The following CACNA2D1 variants were observed in gnomAD, a reference collection of about 807,000 sequenced individuals.
The protein encoded by CACNA2D1 is calcium voltage-gated channel auxiliary subunit alpha2delta 1.
In CACNA2D1, 53 loss-of-function variants were observed where a neutral mutation model predicts 171.5. The observed-to-expected ratio is 0.31, with a 90% confidence interval of 0.25 to 0.39. The LOEUF (loss-of-function observed/expected upper bound fraction) is 0.39. CACNA2D1 is among the 10% of genes least tolerant of loss of function. The probability of loss-of-function intolerance (pLI) is 1.00; values close to 1 mark genes in which losing one functional copy is unlikely to be tolerated. For synonymous variants in CACNA2D1, 442 were observed against 443.1 expected, an observed-to-expected ratio of 1.00 and a Z score of 0.03; for missense variants, 903 against 1,299.8, an observed-to-expected ratio of 0.69 and a Z score of 4.69.
chr7:82,381,375 T>C (rs1823700254), intron 1 of CACNA2D1, among the ~76,000 whole-genome samples: 1 of 149,992 alleles, frequency 6.7e-6, no homozygotes, highest in East Asian at 2.0e-4. Context: ...GATTCCATGA[T>C]CCTATAGAGA....
intron 1 of CACNA2D1, among the ~76,000 whole-genome samples, chr7:82,395,478 A>G (rs1563487641): frequency 6.6e-6 from 1 of 152,210 alleles, no homozygotes; most frequent in Non-Finnish European, 1.5e-5. Context: ...AACGTAATGT[A>G]GTTACATATT....
At chr7:82,227,623 G>A (rs1040399638) in intron 3 of CACNA2D1, among the ~76,000 whole-genome samples, 1 of 152,150 alleles carries the variant, frequency 6.6e-6, no homozygotes, top group East Asian at 1.9e-4. Context: ...CAGTACAGCC[G>A]AGTAGTTAAG....
rs3054677 is a variant in CACNA2D1 at position 82,288,422 on chromosome 7, TACACACACACACACACACAC to T, written c.294+46693_294+46712del. Among the ~76,000 whole-genome samples, 16 of 147,274 alleles carry T rather than the reference TACACACACACACACACACAC, an allele frequency of 1.1e-4. No homozygotes were observed. In the East Asian group the frequency reaches 2.5e-3, roughly 23 times the overall value. On this transcript the variant is annotated intron_variant, in intron 3 of 38. Coordinates refer to ENST00000356860, the MANE Select transcript of CACNA2D1 (RefSeq NM_000722.4). ...TAAAAGATGTATTATTTTGCTTCTA[TACACACACACACACACACAC>T]ACACACACACACACACATTTGAATG...
At chr7:82,193,361 C>T (rs926216024) in intron 3 of CACNA2D1, among the ~76,000 whole-genome samples, 16 of 151,808 alleles carry the variant, frequency 1.1e-4, no homozygotes, top group African/African-American at 3.6e-4. Flanking sequence ...AAAATAGTCC[C>T]GGGCAAACTG....
intron 3 of CACNA2D1, among the ~76,000 whole-genome samples, chr7:82,320,747 A>C (rs1815709332): frequency 6.6e-6 from 1 of 151,996 alleles, no homozygotes; most frequent in Admixed American, 6.6e-5. Context: ...TTTCACTTAC[A>C]TGACTTAAGT....
At chr7:82,343,479 T>C (rs17156171) in intron 2 of CACNA2D1, among the ~76,000 whole-genome samples, 19,031 of 152,200 alleles carry the variant, frequency 0.13, 1,875 homozygotes, top group African/African-American at 0.27. Flanking sequence ...AGGTTGTCCC[T>C]AGAACAGAAA....
chr7:82,303,198 T>C (rs962590593), intron 3 of CACNA2D1, among the ~76,000 whole-genome samples: 3 of 151,950 alleles, frequency 2.0e-5, no homozygotes, highest in South Asian at 2.1e-4. Flanking sequence ...GGGATTTCAC[T>C]ATGTTAGCCA....
intron 13 of CACNA2D1, 81 bp from the exon 14 acceptor site, chr7:82,013,591 T>C: frequency 2.1e-6 from 1 of 484,924 alleles, no homozygotes; most frequent in Non-Finnish European, 3.1e-6. Flanking sequence ...TTATAAATAT[T>C]TTATAAAGAG....
At chr7:82,008,653 AG>A (rs1433613555) in intron 15 of CACNA2D1, among the ~76,000 whole-genome samples, 1 of 152,176 alleles carries the variant, frequency 6.6e-6, no homozygotes, top group Non-Finnish European at 1.5e-5. Flanking sequence ...TTGCTAAATG[AG>A]AAATTATTAT....
At chr7:82,242,082 G>T (rs190964660) in intron 3 of CACNA2D1, among the ~76,000 whole-genome samples, 92 of 152,206 alleles carry the variant, frequency 6.0e-4, no homozygotes, top group African/African-American at 2.2e-3. Flanking sequence ...ATGCTATGAG[G>T]CTTGCTAAGA....
chr7:82,065,351 G>A (rs1313262096), intron 8 of CACNA2D1, among the ~76,000 whole-genome samples: 1 of 152,060 alleles, frequency 6.6e-6, no homozygotes, highest in Non-Finnish European at 1.5e-5. Flanking sequence ...TGCTGGTCCA[G>A]GTATGCCACT....
Position 82,314,714 on chromosome 7 carries a change from G to A in CACNA2D1, c.294+20421C>T, listed in dbSNP as rs1224951493. Reference sequence around the variant, plus strand: ...ATTTTAATTGTGATTTTCAACAGCAGCCCTTCTCTCCGGACTAAAAAAAGA... The same window carrying A: ...ATTTTAATTGTGATTTTCAACAGCAACCCTTCTCTCCGGACTAAAAAAAGA... On this transcript the variant is annotated intron_variant, in intron 3 of 38. Transcript: ENST00000356860. Among the ~76,000 whole-genome samples the A allele has an allele frequency of 2.6e-5, 4 of 152,120 alleles. No homozygotes were observed. In the East Asian group the frequency reaches 7.7e-4, roughly 29 times the overall value.
intron 18 of CACNA2D1, among the ~76,000 whole-genome samples, chr7:82,000,341 T>C (rs2130823179): frequency 6.6e-6 from 1 of 152,278 alleles, no homozygotes; most frequent in East Asian, 1.9e-4. Flanking sequence ...ATCAGAATTT[T>C]CAGAGGATGA....
At chr7:82,402,538 C>T (rs1337606181) in intron 1 of CACNA2D1, among the ~76,000 whole-genome samples, 6 of 151,378 alleles carry the variant, frequency 4.0e-5, no homozygotes. Flanking sequence ...TGGTGAAACC[C>T]CATCTCTACT....
chr7:82,223,000 C>T (rs951679544), intron 3 of CACNA2D1, among the ~76,000 whole-genome samples: 1 of 151,206 alleles, frequency 6.6e-6, no homozygotes, highest in East Asian at 2.0e-4. Context: ...CGCAACTCTG[C>T]CTCCTGGGTT....
chr7:82,432,925 C>CA (rs1829819033), intron 1 of CACNA2D1, among the ~76,000 whole-genome samples: 1 of 152,160 alleles, frequency 6.6e-6, no homozygotes, highest in Non-Finnish European at 1.5e-5. Flanking sequence ...GCGGCTCACG[C>CA]CTGTAATCCT....
At chr7:82,044,973 C>T (rs1459169420) in intron 10 of CACNA2D1, among the ~76,000 whole-genome samples, 1 of 152,056 alleles carries the variant, frequency 6.6e-6, no homozygotes, top group Non-Finnish European at 1.5e-5. Context: ...TATAAAGTGG[C>T]TGTTTAGAAT....
In CACNA2D1 at chr7:82,038,178, T is replaced by G; in HGVS notation, c.937A>C (p.Arg313=). The G allele has an allele frequency of 1.9e-6, 3 of 1,613,796 alleles. No individual in the cohort carries two copies. The highest frequency in any genetic ancestry group is 2.5e-6 in the Non-Finnish European group (3 of 1,179,824). ...GCGTCTTTCAACACTTTTTTATTTC[T>G]TACATTTGCTTGGACAAGGTGCTGA... ...CFQHLVQANV[R]NKKVLKDAVN... Residue 313 remains arginine, a synonymous_variant, in exon 11 of 39, where the codon AGA becomes CGA. Transcript: ENST00000356860.
intron 3 of CACNA2D1, among the ~76,000 whole-genome samples, chr7:82,184,524 T>C (rs1439543348): frequency 6.6e-6 from 1 of 152,102 alleles, no homozygotes; most frequent in Non-Finnish European, 1.5e-5. Flanking sequence ...GTTTTAATGA[T>C]TTCGGTAAAA....
Sources: allele counts gnomAD v4.1 joint callset (sites outside exome capture counted in the v4.1 genomes callset), GRCh38; gene constraint gnomAD v4.1.1; transcripts MANE v1.5; gene names NCBI Gene and HGNC (gene_info 2026-07-23, HGNC 2026-07-21).